STAC: variants seen among roughly 807,000 people sequenced by gnomAD.
The protein encoded by STAC is SH3 and cysteine-rich domain-containing protein.
In STAC, 43 loss-of-function variants were observed where a neutral mutation model predicts 48.8. The ratio of observed to expected loss-of-function variants is 0.88; its 90% confidence interval spans 0.69 to 1.14. The LOEUF (loss-of-function observed/expected upper bound fraction) is 1.14. Among genes scored for constraint, STAC ranks in the 50% most tolerant of loss-of-function variants. STAC has a pLI of 0.00. For synonymous variants in STAC, 193 were observed against 179.5 expected (o/e 1.07, Z -0.60); for missense variants, 497 against 504.0 (o/e 0.99, Z 0.13).
chr3:36,444,599 G>A (rs188097196), intron 2 of STAC, among the ~76,000 whole-genome samples: 16 of 152,302 alleles, frequency 1.1e-4, no homozygotes, highest in South Asian at 2.1e-4. Context: ...CTGGCATTTC[G>A]TTAGCCGAAT....
intron 1 of STAC, among the ~76,000 whole-genome samples, chr3:36,437,666 T>C (rs1364155317): frequency 1.4e-5 from 2 of 146,132 alleles, no homozygotes; most frequent in African/African-American, 5.0e-5. Context: ...TTAGGAGATA[T>C]ACCTAATGCT....
intron 10 of STAC, among the ~76,000 whole-genome samples, chr3:36,539,589 T>C (rs751805121): frequency 2.5e-4 from 38 of 152,162 alleles, no homozygotes; most frequent in Non-Finnish European, 3.4e-4. Context: ...TACCCCAGAT[T>C]TGGGGTACAT....
At chr3:36,530,879 T>A (rs1166845422) in intron 10 of STAC, among the ~76,000 whole-genome samples, 1 of 152,142 alleles carries the variant, frequency 6.6e-6, no homozygotes, top group Non-Finnish European at 1.5e-5. Context: ...ATTACAGGCG[T>A]GAGCCACTGC....
chr3:36,440,983 T>C (rs1287533157), intron 1 of STAC, among the ~76,000 whole-genome samples: 1 of 152,248 alleles, frequency 6.6e-6, no homozygotes, highest in African/African-American at 2.4e-5. Context: ...AAAATAATTG[T>C]ACCTATTTAT....
chr3:36,390,451 C>CTGTTTTTTTTTTTT (rs1699726949), intron 1 of STAC, among the ~76,000 whole-genome samples: 1 of 80,824 alleles, frequency 1.2e-5, no homozygotes, highest in Non-Finnish European at 2.4e-5. Flanking sequence ...TTTTTCTTTT[C>CTGTTTTTTTTTTTT]TTTTTTTTTT....
chr3:36,383,876 A>G (rs922637055), intron 1 of STAC, among the ~76,000 whole-genome samples: 4 of 152,240 alleles, frequency 2.6e-5, no homozygotes, highest in African/African-American at 9.6e-5. Flanking sequence ...TCACACAGAT[A>G]GTTACTGGCA....
intron 1 of STAC, among the ~76,000 whole-genome samples, chr3:36,431,731 C>G (rs1407875446): frequency 1.3e-5 from 2 of 152,100 alleles, no homozygotes; most frequent in East Asian, 3.9e-4. Context: ...TTCTCTTACT[C>G]AAAAATCTCT....
At chr3:36,408,887 G>A (rs728082) in intron 1 of STAC, among the ~76,000 whole-genome samples, 56,036 of 151,924 alleles carry the variant, frequency 0.37, 10,557 homozygotes, top group East Asian at 0.43. Flanking sequence ...TATACCTCCA[G>A]TTGTAAACAC....
At chr3:36,479,221 T>C (rs1559507176) in intron 2 of STAC, among the ~76,000 whole-genome samples, 1 of 152,210 alleles carries the variant, frequency 6.6e-6, no homozygotes, top group Non-Finnish European at 1.5e-5. Context: ...TTCATACATG[T>C]TAATAATTTG....
At chr3:36,497,014 C>CAAAGA (rs370547222) in intron 6 of STAC, among the ~76,000 whole-genome samples, 285 of 150,396 alleles carry the variant, frequency 1.9e-3, no homozygotes, top group African/African-American at 6.5e-3. Flanking sequence ...TGCACTAAAG[C>CAAAGA]AATTTTATTC....
chr3:36,487,538 G>T (rs1210674953), intron 5 of STAC, among the ~76,000 whole-genome samples: 1 of 152,164 alleles, frequency 6.6e-6, no homozygotes, highest in Non-Finnish European at 1.5e-5. Context: ...TACTAGCACT[G>T]TAGGGGACAC....
At chr3:36,453,348 G>A (rs962610201) in intron 2 of STAC, among the ~76,000 whole-genome samples, 49 of 152,238 alleles carry the variant, frequency 3.2e-4, no homozygotes, top group African/African-American at 9.9e-4. Flanking sequence ...TGTGGAGGGA[G>A]AGGCGTGGGC....
chr3:36,406,201 C>A (rs766619691), intron 1 of STAC, among the ~76,000 whole-genome samples: 9 of 152,236 alleles, frequency 5.9e-5, no homozygotes, highest in Admixed American at 3.9e-4. Flanking sequence ...GTCTGCTTCG[C>A]TGCACAGACT....
At chr3:36,528,551 AG>A in intron 8 of STAC, 144 bp from the exon 9 acceptor site, 1 of 619,338 alleles carries the variant, frequency 1.6e-6, no homozygotes, top group Non-Finnish European at 2.6e-6. Flanking sequence ...TTTTCTTGGT[AG>A]GAAGAACTGG....
At chr3:36,387,096 C>T (rs1370765037) in intron 1 of STAC, among the ~76,000 whole-genome samples, 1 of 152,042 alleles carries the variant, frequency 6.6e-6, no homozygotes, top group East Asian at 1.9e-4. Context: ...TGTCTAAATT[C>T]AAGCCTCAAA....
At chr3:36,419,640 C>G (rs1700402650) in intron 1 of STAC, among the ~76,000 whole-genome samples, 1 of 152,028 alleles carries the variant, frequency 6.6e-6, no homozygotes, top group Non-Finnish European at 1.5e-5. Flanking sequence ...AATGGCCTGA[C>G]AGAAAGTTTT....
At chr3:36,528,042 T>G (rs1698978121) in intron 8 of STAC, among the ~76,000 whole-genome samples, 1 of 152,116 alleles carries the variant, frequency 6.6e-6, no homozygotes. Flanking sequence ...TATCTATGTA[T>G]AAATGTAAGT....
intron 2 of STAC, among the ~76,000 whole-genome samples, chr3:36,469,916 TTG>T (rs1351228779): frequency 1.2e-4 from 19 of 152,188 alleles, no homozygotes; most frequent in Admixed American, 5.2e-4. Flanking sequence ...TTTTCAGAAG[TTG>T]TGATTGTTTT....
chr3:36,465,990 C>T (rs771733413), intron 2 of STAC, among the ~76,000 whole-genome samples: 4 of 152,114 alleles, frequency 2.6e-5, no homozygotes, highest in Non-Finnish European at 4.4e-5. Context: ...CAAGCTGACA[C>T]TCACATTCAG....
Sources: gnomAD v4.1 joint callset for allele counts (sites outside exome capture counted in the v4.1 genomes callset) on GRCh38, gnomAD v4.1.1 for gene constraint, MANE v1.5 for transcripts, NCBI Gene and HGNC (gene_info 2026-07-23, HGNC 2026-07-21) for gene names.